CACNB2: variants seen among roughly 807,000 people sequenced by gnomAD.
CACNB2 encodes the protein voltage-dependent L-type calcium channel subunit beta-2.
A neutral mutation model predicts 73.3 loss-of-function variants in CACNB2; 42 were observed. The observed-to-expected ratio is 0.57, with a 90% CI of 0.45 to 0.74. The LOEUF is 0.74. Among genes scored for constraint, CACNB2 ranks in the 30% least tolerant of loss-of-function variants. The probability of loss-of-function intolerance (pLI) is 0.00; values close to 1 mark genes in which losing one functional copy is unlikely to be tolerated. For missense variants in CACNB2, 940 were observed against 853.0 expected, an observed-to-expected ratio of 1.10 and a Z score of -1.27; for synonymous variants, 348 against 310.3, an observed-to-expected ratio of 1.12 and a Z score of -1.28.
intron 4 of CACNB2, 32 bp from the exon 5 acceptor site, chr10:18,500,780 C>T: frequency 2.5e-6 from 4 of 1,609,998 alleles, no homozygotes; most frequent in Non-Finnish European, 3.4e-6. Flanking sequence ...CTTCTGTGCA[C>T]TGATTTTTAA....
At chr10:18,491,740 A>G (rs2049439264) in intron 3 of CACNB2, among the ~76,000 whole-genome samples, 1 of 145,076 alleles carries the variant, frequency 6.9e-6, no homozygotes, top group Non-Finnish European at 1.5e-5. Context: ...AAAACAGGAT[A>G]TATTTGATTA....
chr10:18,523,456 A>G (rs2052127919), intron 9 of CACNB2, among the ~76,000 whole-genome samples: 1 of 152,240 alleles, frequency 6.6e-6, no homozygotes, highest in African/African-American at 2.4e-5. Flanking sequence ...TAAGAAACAG[A>G]TAAACAAAAT....
chr10:18,288,239 A>G (rs1196907256), intron 2 of CACNB2, among the ~76,000 whole-genome samples: 2 of 152,216 alleles, frequency 1.3e-5, no homozygotes, highest in East Asian at 3.8e-4. Context: ...CAAACCCATA[A>G]CAACATCAGA....
chr10:18,514,783 C>CT (rs1186592169), intron 7 of CACNB2, among the ~76,000 whole-genome samples: 1 of 152,208 alleles, frequency 6.6e-6, no homozygotes, highest in Non-Finnish European at 1.5e-5. Flanking sequence ...ATGTCAAACA[C>CT]TGACAGCTCC....
intron 3 of CACNB2, among the ~76,000 whole-genome samples, chr10:18,408,231 C>CTTTTTTTTTTTTTT (rs71402161): frequency 1.3e-5 from 1 of 77,952 alleles, no homozygotes; most frequent in Non-Finnish European, 2.3e-5. Flanking sequence ...CTATCCCTGA[C>CTTTTTTTTTTTTTT]TTTTTTTTTT....
Position 18,347,647 on chromosome 10 carries a change from C to T in CACNB2, c.214-54277C>T, listed in dbSNP as rs189097767. Reference sequence around the variant, plus strand: ...GCTATAAAAGCCTATACAGGTAATGCAGTATCCTTAAAGCATCTGAGAATA... The same window carrying T: ...GCTATAAAAGCCTATACAGGTAATGTAGTATCCTTAAAGCATCTGAGAATA... On this transcript the variant is annotated intron_variant, in intron 2 of 13. Transcript: ENST00000324631. 1.1e-3 allele frequency among the ~76,000 whole-genome samples: 160 copies of T among 152,040 alleles called. 1 individual carries two copies. The highest frequency in any genetic ancestry group is 7.5e-4 in the Non-Finnish European group (51 of 68,002).
At chr10:18,247,103 T>A (rs1342062399) in intron 2 of CACNB2, among the ~76,000 whole-genome samples, 1 of 152,116 alleles carries the variant, frequency 6.6e-6, no homozygotes, top group Admixed American at 6.5e-5. Context: ...CTGAATGACA[T>A]CACCTCGACA....
At chr10:18,301,899 G>A (rs2039532562) in intron 2 of CACNB2, among the ~76,000 whole-genome samples, 1 of 151,834 alleles carries the variant, frequency 6.6e-6, no homozygotes, top group Non-Finnish European at 1.5e-5. Flanking sequence ...CTCCCACCTT[G>A]GCCCCCCAGG....
intron 1 of CACNB2, among the ~76,000 whole-genome samples, chr10:18,147,506 T>C (rs2031103042): frequency 6.6e-6 from 1 of 152,150 alleles, no homozygotes; most frequent in Non-Finnish European, 1.5e-5. Context: ...CCTGCATGTG[T>C]CAGGGAGAAT....
intron 3 of CACNB2, among the ~76,000 whole-genome samples, chr10:18,474,313 C>T (rs1405217511): frequency 6.6e-6 from 1 of 152,106 alleles, no homozygotes; most frequent in African/African-American, 2.4e-5. Flanking sequence ...GAATCTGGCT[C>T]AACGGTCACC....
chr10:18,353,385 G>A (rs1400132740), intron 2 of CACNB2, among the ~76,000 whole-genome samples: 1 of 150,254 alleles, frequency 6.7e-6, no homozygotes, highest in Admixed American at 6.7e-5. Context: ...ACTCTAGCCT[G>A]GGCAACAGAG....
At chr10:18,323,218 C>T (rs1376824331) in intron 2 of CACNB2, among the ~76,000 whole-genome samples, 1 of 152,028 alleles carries the variant, frequency 6.6e-6, no homozygotes, top group African/African-American at 2.4e-5. Flanking sequence ...CTCAGCCTCC[C>T]AAGGTGCTGT....
intron 2 of CACNB2, among the ~76,000 whole-genome samples, chr10:18,344,869 A>C (rs562835232): frequency 2.4e-4 from 36 of 152,348 alleles, no homozygotes; most frequent in Admixed American, 1.0e-3. Flanking sequence ...AGATATTTTT[A>C]TGCTGGCATA....
intron 6 of CACNB2, among the ~76,000 whole-genome samples, chr10:18,507,458 A>C (rs2089839514): frequency 6.6e-6 from 1 of 152,370 alleles, no homozygotes; most frequent in South Asian, 2.1e-4. Context: ...ATAATTTACT[A>C]GTTTAAGTAC....
At chr10:18,506,321 T>A in intron 5 of CACNB2, 150 bp from the exon 6 acceptor site, 1 of 652,652 alleles carries the variant, frequency 1.5e-6, no homozygotes, top group Non-Finnish European at 2.8e-6. Flanking sequence ...ACTCCAGGAA[T>A]CTCCACTGGG....
In CACNB2 at chr10:18,526,390, T is replaced by G. The variant is rs1589693574; in HGVS notation, c.945-1198T>G. Among the ~76,000 whole-genome samples, 3 of 152,344 alleles carry G rather than the reference T, an allele frequency of 2.0e-5. No homozygotes were observed. The South Asian group carries it at 6.2e-4, about 32-fold the overall frequency. ...TGGTCAGAGGCCCTCTTGTATTGCC[T>G]GCAAGATAACAAATGTAGGGTCTTG... On this transcript the variant is annotated intron_variant, in intron 9 of 13. Transcript: ENST00000324631.
intron 2 of CACNB2, among the ~76,000 whole-genome samples, chr10:18,244,587 C>T (rs887824869): frequency 6.6e-6 from 1 of 152,184 alleles, no homozygotes; most frequent in African/African-American, 2.4e-5. Context: ...AATTTCTGGA[C>T]AGCTCTTTGA....
chr10:18,498,258 T>A, intron 3 of CACNB2, 97 bp from the exon 4 acceptor site: 2 of 1,430,630 alleles, frequency 1.4e-6, no homozygotes, highest in African/African-American at 1.4e-5. Context: ...CAACAATGAT[T>A]ACAGTAGTTA....
intron 3 of CACNB2, among the ~76,000 whole-genome samples, chr10:18,467,025 G>GCA: frequency 6.6e-6 from 1 of 152,136 alleles, no homozygotes; most frequent in African/African-American, 2.4e-5. Flanking sequence ...ATGGTGGCAG[G>GCA]TGCCTGTAAT....
Sources: allele counts gnomAD v4.1 joint callset (sites outside exome capture counted in the v4.1 genomes callset), GRCh38; gene constraint gnomAD v4.1.1; transcripts MANE v1.5; gene names NCBI Gene and HGNC (gene_info 2026-07-23, HGNC 2026-07-21).